SNAPC4: variants seen among roughly 807,000 people sequenced by gnomAD.
SNAPC4 encodes the protein small nuclear RNA activating complex polypeptide 4, also known as snRNA-activating protein complex subunit 4.
A neutral mutation model predicts 151.3 loss-of-function variants in SNAPC4; 127 were observed. The observed-to-expected ratio is 0.84, with a 90% CI of 0.73 to 0.97. SNAPC4 has a LOEUF of 0.97. Ranked by LOEUF, SNAPC4 falls within the 50% of genes least tolerant of loss-of-function variation. The pLI is 0.00. For synonymous variants in SNAPC4, 1,002 were observed against 824.4 expected (o/e 1.22, Z -3.69); for missense variants, 2,186 against 1,935.0 (o/e 1.13, Z -2.43).
At chr9:136,386,034 G>A (rs1375981791) in intron 13 of SNAPC4, among the ~76,000 whole-genome samples, 1 of 152,034 alleles carries the variant, frequency 6.6e-6, no homozygotes. Context: ...CAATCTTGGG[G>A]GTATAATTCT....
chr9:136,395,472 C>T, intron 4 of SNAPC4, 49 bp from the exon 5 acceptor site: 1 of 1,597,000 alleles, frequency 6.3e-7, no homozygotes, highest in Non-Finnish European at 8.5e-7. Context: ...GCAGCAATGA[C>T]TCTCCCTGCG....
chr9:136,397,643 AGGGGAGCACGTG>A (rs1834320305), intron 2 of SNAPC4, among the ~76,000 whole-genome samples: 1 of 63,596 alleles, frequency 1.6e-5, no homozygotes, highest in East Asian at 5.9e-4. Flanking sequence ...GCACGTGGGG[AGGGGAGCACGTG>A]GGGAGGGGAG....
At position 136,395,760 on chromosome 9, in the gene SNAPC4, CT is replaced by C; in HGVS notation, c.187del (p.Arg63GlyfsTer27). ...CTCGTCATTGCTGGCTTCGCCCCAC[CT>C]TTCTTCTTCCTGGTAACGAGCCAGA... is the stretch of plus-strand genomic sequence containing the variant. ...PADPPISEEERWGEASNDEDD... is the reference protein window; with the variant it reads ...PADPPISEEEXWGEASNDEDD... On this transcript the variant is annotated frameshift_variant, in exon 4 of 24. Coordinates refer to ENST00000684778, the MANE Select transcript of SNAPC4 (RefSeq NM_003086.4). LOFTEE classifies it high-confidence loss of function. The C allele has an allele frequency of 6.2e-7, 1 of 1,610,790 alleles. No homozygotes were observed. Among genetic ancestry groups the C allele is most frequent in the Non-Finnish European group, 8.5e-7 (1 of 1,177,946 alleles).
rs1291683851 is a variant in SNAPC4, at chr9:136,377,562, G to A, written c.4265C>T (p.Thr1422Ile). Residue 1422 changes from threonine (T) to isoleucine (I), a missense_variant, in exon 22 of 24, where the codon ACA (threonine) becomes ATA (isoleucine). Thr to Ile is a moderately conservative substitution (Grantham distance 89). Coordinates refer to ENST00000684778, the MANE Select transcript of SNAPC4 (RefSeq NM_003086.4). ...ADRDGQPGCT[T>I]ATCPIQGAPD... is the part of the protein sequence containing the mutation. ...CCCTACCTGAATGGGGCATGTGGCT[G>A]TCGTGCAGCCCGGCTGCCCGTCCCT... 2.0e-5 allele frequency: 31 copies of A among 1,517,706 alleles called. No individual in the cohort carries two copies. The highest frequency in any genetic ancestry group is 2.6e-5 in the Non-Finnish European group (29 of 1,132,012). 94.0% of individuals were successfully genotyped at this position (1,517,706 alleles called of 1,614,324 possible).
intron 20 of SNAPC4, 40 bp downstream of exon 20, chr9:136,380,700 G>A (rs1327350214): frequency 2.6e-6 from 3 of 1,154,414 alleles, no homozygotes; most frequent in Non-Finnish European, 3.9e-6. Flanking sequence ...GCCGGGGCGG[G>A]CAGTGGCCAT....
At chr9:136,384,179 C>A (rs1833812131) in intron 14 of SNAPC4, 147 bp from the exon 15 acceptor site, 2 of 640,050 alleles carry the variant, frequency 3.1e-6, no homozygotes, top group African/African-American at 1.9e-5. Context: ...ATGTTGGGTG[C>A]CTACAATTTG....
Position 136,378,392 on chromosome 9 carries a change from C to T in SNAPC4, c.3435G>A (p.Glu1145=), listed in dbSNP as rs1564377044. 1.2e-6 allele frequency: 2 copies of T among 1,609,530 alleles called. No individual in the cohort carries two copies. The highest frequency in any genetic ancestry group is 2.2e-5 in the East Asian group (1 of 44,820). Residue 1145 remains glutamate (E), a synonymous_variant, in exon 22 of 24, where the codon GAG becomes GAA. Transcript: ENST00000684778. ...QPPANMNREP[E]PSCRTDTPAP... ...CTGGGGTGTCTGTCCTGCAGGAAGGCTCCGGTTCCCTGTTCATATTGGCTG... is the reference window on the plus strand; with the variant it reads ...CTGGGGTGTCTGTCCTGCAGGAAGGTTCCGGTTCCCTGTTCATATTGGCTG...
chr9:136,395,385 G>T lies in SNAPC4; in HGVS notation c.384C>A (p.Thr128=). Reference sequence around the variant, plus strand: ...GCAGGCTTTTGCCATCTTTCACCTTGGTGCCTTTGGACCCAGCCAGATCCC... The same window carrying T: ...GCAGGCTTTTGCCATCTTTCACCTTTGTGCCTTTGGACCCAGCCAGATCCC... ...LMRDLAGSKG[T]KVKDGKSLPP... The change falls in exon 5 of 24, where the codon ACC becomes ACA. Residue 128 remains threonine (T), a synonymous_variant. Transcript: ENST00000684778. The T allele has an allele frequency of 1.2e-6, 2 of 1,613,504 alleles. No individual in the cohort carries two copies. Among genetic ancestry groups the T allele is most frequent in the South Asian group, 2.2e-5 (2 of 91,082 alleles).
rs1332223750 is a variant in SNAPC4 at position 136,381,359 on chromosome 9, C to T, written c.2351G>A (p.Arg784His). Residue 784 changes from arginine (R) to histidine (H), a missense_variant, in exon 19 of 24, where the codon CGC becomes CAC. Physicochemically the swap from Arg to His is conservative, Grantham distance 29. Coordinates refer to ENST00000684778, the MANE Select transcript of SNAPC4 (RefSeq NM_003086.4). The part of the protein sequence containing the change: ...DGLREQLQQA[R>H]LASTPVFTLF... ...GGTAAACACAGGGGTGCTGGCCAGGCGGGCCTGCTGCAGCTGCTCCCTGAG... is the reference window on the plus strand; with the variant it reads ...GGTAAACACAGGGGTGCTGGCCAGGTGGGCCTGCTGCAGCTGCTCCCTGAG... 5 of 1,612,750 alleles carry T rather than the reference C, an allele frequency of 3.1e-6. No individual in the cohort carries two copies. Among genetic ancestry groups the T allele is most frequent in the Admixed American group, 3.3e-5 (2 of 60,016 alleles).
intron 5 of SNAPC4, 125 bp from the exon 6 acceptor site, chr9:136,395,003 G>A (rs1271182310): frequency 2.2e-6 from 2 of 896,376 alleles, no homozygotes; most frequent in African/African-American, 1.7e-5. Flanking sequence ...CGTACTGTGA[G>A]GCTGTGGGGG....
rs751791007 is a variant in SNAPC4, at chr9:136,387,878, G to A, written c.1124-30C>T. The A allele has an allele frequency of 5.4e-6, 7 of 1,286,946 alleles. No individual in the cohort carries two copies. In the South Asian group the frequency reaches 5.9e-5, roughly 11 times the overall value. 79.7% of individuals were successfully genotyped at this position (1,286,946 alleles called of 1,614,324 possible). The stretch of plus-strand genomic sequence containing the variant: ...GGACAGAGGAACAGGGAGGTCCTGT[G>A]GGGCCGAGACACACACCCTCCATAG... On this transcript the variant is annotated intron_variant, in intron 11 of 23. Transcript: ENST00000684778.
In SNAPC4 at chr9:136,383,215, G is replaced by A; in HGVS notation, c.1954C>T (p.Pro652Ser). The A allele has an allele frequency of 1.3e-6, 2 of 1,558,856 alleles. No individual in the cohort carries two copies. The highest frequency in any genetic ancestry group is 3.4e-4 in the Middle Eastern group (2 of 5,804). ...AGGGCCTGCTTCTCTGCGCCCGCCG[G>A]GCGAGTGTCTGCTGAGTGGGAGGCC... The part of the protein sequence containing the change: ...AQASHSADTR[P>S]AGAEKQALEG... The change falls in exon 16 of 24, where the codon CCG becomes TCG. Residue 652 changes from proline to serine, a missense_variant. By Grantham distance (74) the Pro-to-Ser change is moderately conservative. Coordinates refer to ENST00000684778, the MANE Select transcript of SNAPC4 (RefSeq NM_003086.4). This position sits in a 1 kb window ranked among gnomAD's most constrained non-coding sequence, Gnocchi z 4.2.
intron 11 of SNAPC4, among the ~76,000 whole-genome samples, chr9:136,388,098 T>A (rs896098554): frequency 1.3e-5 from 2 of 152,014 alleles, no homozygotes; most frequent in African/African-American, 4.8e-5. Flanking sequence ...TGAAACCCCG[T>A]CTCTACTAAA....
chr9:136,392,464 C>G (rs778150788), intron 9 of SNAPC4, 58 bp downstream of exon 9: 1 of 1,551,694 alleles, frequency 6.4e-7, no homozygotes, highest in African/African-American at 1.4e-5. Context: ...CAACTGCACC[C>G]GGGCTACAGG....
intron 13 of SNAPC4, among the ~76,000 whole-genome samples, chr9:136,385,827 T>G (rs911978761): frequency 3.5e-4 from 54 of 152,164 alleles, no homozygotes; most frequent in Non-Finnish European, 5.4e-4. Context: ...GTGCTAGGAT[T>G]ACAGGCGTGA....
intron 4 of SNAPC4, 22 bp downstream of exon 4, chr9:136,395,581 G>C (rs760569416): frequency 1.3e-6 from 2 of 1,595,646 alleles, no homozygotes; most frequent in Admixed American, 1.7e-5. Flanking sequence ...TGTGGGCACC[G>C]GGGGGCCGAG....
Position 136,384,816 on chromosome 9 carries a change from T to TG in SNAPC4, c.1326-3dup, listed in dbSNP as rs1564385665. On this transcript the variant is annotated splice_region_variant and splice_polypyrimidine_tract_variant and intron_variant, in intron 13 of 23. Transcript: ENST00000684778. ...CTGAAATGTAATCTCCTGAGATACC[T>TG]GAACGTGACATGAAAAGCAAAGAAC... 9 of 1,553,716 alleles carry TG rather than the reference T, an allele frequency of 5.8e-6. No individual in the cohort carries two copies. The South Asian group carries it at 1.1e-4, about 18-fold the overall frequency.
intron 18 of SNAPC4, 146 bp from the exon 19 acceptor site, chr9:136,381,538 A>C (rs1588744101): frequency 2.7e-6 from 2 of 754,638 alleles, no homozygotes; most frequent in Non-Finnish European, 4.4e-6. Flanking sequence ...TGGAACCAGC[A>C]CCCCACAGCC....
At position 136,378,014 on chromosome 9, in the gene SNAPC4, C is replaced by T. The variant is rs749578096; in HGVS notation, c.3813G>A (p.Leu1271=). 1.3e-6 allele frequency: 2 copies of T among 1,594,774 alleles called. No individual in the cohort carries two copies. Among genetic ancestry groups the T allele is most frequent in the Non-Finnish European group, 1.7e-6 (2 of 1,171,506 alleles). ...QPGPEKGALD[L]GLLSQEGEAA... is the part of the protein sequence containing the mutation. ...CCTCGCCCTCCTGGGACAGCAGGCC[C>T]AGGTCCAGGGCCCCCTTCTCAGGCC... The change falls in exon 22 of 24, where the codon CTG becomes CTA. Residue 1271 remains leucine, a synonymous_variant. Coordinates refer to ENST00000684778, the MANE Select transcript of SNAPC4 (RefSeq NM_003086.4).
Sources: allele counts gnomAD v4.1 joint callset (sites outside exome capture counted in the v4.1 genomes callset), GRCh38; gene constraint gnomAD v4.1.1; non-coding constraint Gnocchi (gnomAD v3.1); transcripts MANE v1.5; gene names NCBI Gene and HGNC (gene_info 2026-07-23, HGNC 2026-07-21).